DLG2: variants seen among roughly 807,000 people sequenced by gnomAD.
DLG2 encodes the protein discs large MAGUK scaffold protein 2, also known as disks large homolog 2.
In DLG2, 45 loss-of-function variants were observed where a neutral mutation model predicts 132.5. The observed-to-expected ratio is 0.34, with a 90% CI of 0.27 to 0.44. DLG2 has a LOEUF of 0.44. Among genes scored for constraint, DLG2 ranks in the 20% least tolerant of loss-of-function variants. The pLI is 1.00. For missense variants in DLG2, 1,045 were observed against 1,196.9 expected, an observed-to-expected ratio of 0.87 and a Z score of 1.87; for synonymous variants, 424 against 419.6, an observed-to-expected ratio of 1.01 and a Z score of -0.13.
chr11:84,581,648 C>T (rs2099516491), intron 6 of DLG2, among the ~76,000 whole-genome samples: 2 of 152,194 alleles, frequency 1.3e-5, no homozygotes, highest in South Asian at 4.1e-4. Context: ...TAATTTAACA[C>T]CTGTAATTCC....
At chr11:84,935,133 C>A (rs564816965) in intron 6 of DLG2, among the ~76,000 whole-genome samples, 2 of 152,168 alleles carry the variant, frequency 1.3e-5, no homozygotes, top group African/African-American at 2.4e-5. Flanking sequence ...AGTAAATTAT[C>A]AAGTCCTACT....
chr11:83,473,499 A>G (rs1424162266), intron 22 of DLG2, among the ~76,000 whole-genome samples: 1 of 152,108 alleles, frequency 6.6e-6, no homozygotes, highest in East Asian at 1.9e-4. Flanking sequence ...TAGAAAGTAA[A>G]TTGGTTTTTG....
chr11:84,402,471 T>C (rs1027015459), intron 7 of DLG2, among the ~76,000 whole-genome samples: 2 of 152,142 alleles, frequency 1.3e-5, no homozygotes, highest in African/African-American at 4.8e-5. Flanking sequence ...AATTTTGCTC[T>C]TTGTGGTACA....
At chr11:84,870,332 T>C (rs868330553) in intron 6 of DLG2, among the ~76,000 whole-genome samples, 33 of 152,134 alleles carry the variant, frequency 2.2e-4, no homozygotes, top group African/African-American at 5.1e-4. Flanking sequence ...AGAGGTTAAA[T>C]TGAAAAACAC....
chr11:84,861,713 C>G (rs1480056989), intron 6 of DLG2, among the ~76,000 whole-genome samples: 4 of 141,616 alleles, frequency 2.8e-5, no homozygotes, highest in Non-Finnish European at 4.6e-5. Context: ...ATCCATCTGA[C>G]AAAGGGCTAA....
At chr11:85,303,061 C>A (rs911311087) in intron 3 of DLG2, among the ~76,000 whole-genome samples, 1 of 152,184 alleles carries the variant, frequency 6.6e-6, no homozygotes, top group African/African-American at 2.4e-5. Flanking sequence ...CAGAACCCTG[C>A]TCTTAACCAC....
At chr11:84,061,566 C>T (rs2096590975) in intron 10 of DLG2, among the ~76,000 whole-genome samples, 1 of 152,136 alleles carries the variant, frequency 6.6e-6, no homozygotes, top group Non-Finnish European at 1.5e-5. Flanking sequence ...GGACCACATA[C>T]ATCTAATGTG....
chr11:84,226,211 T>C (rs1187035231), intron 8 of DLG2, among the ~76,000 whole-genome samples: 1 of 152,250 alleles, frequency 6.6e-6, no homozygotes, highest in African/African-American at 2.4e-5. Context: ...TTTAAGTCCC[T>C]AACATAAATA....
intron 6 of DLG2, among the ~76,000 whole-genome samples, chr11:85,063,055 T>C (rs1366194656): frequency 1.3e-5 from 2 of 151,852 alleles, no homozygotes; most frequent in Non-Finnish European, 2.9e-5. Context: ...CAAAATCTTA[T>C]ATTAAAGATT....
intron 6 of DLG2, among the ~76,000 whole-genome samples, chr11:84,953,806 G>A (rs1340160633): frequency 6.6e-6 from 1 of 151,926 alleles, no homozygotes; most frequent in Admixed American, 6.6e-5. Flanking sequence ...CAGCCTACAA[G>A]TCTCCCCTTG....
chr11:83,986,526 G>C (rs1407706684), intron 11 of DLG2, among the ~76,000 whole-genome samples: 1 of 150,900 alleles, frequency 6.6e-6, no homozygotes, highest in East Asian at 1.9e-4. Flanking sequence ...ACATACGTGT[G>C]CATGTGTCTT....
chr11:84,849,434 C>T (rs991424226), intron 6 of DLG2, among the ~76,000 whole-genome samples: 9 of 152,100 alleles, frequency 5.9e-5, no homozygotes, highest in African/African-American at 2.2e-4. Context: ...AATACTTGTC[C>T]TTTCCTACAT....
At chr11:85,455,669 A>T (rs2092398731) in intron 3 of DLG2, among the ~76,000 whole-genome samples, 1 of 152,172 alleles carries the variant, frequency 6.6e-6, no homozygotes, top group Admixed American at 6.5e-5. Context: ...TTTGTCACAG[A>T]TGGCTCTTAT....
chr11:84,107,941 C>T (rs1308462086), intron 9 of DLG2, among the ~76,000 whole-genome samples: 1 of 152,112 alleles, frequency 6.6e-6, no homozygotes, highest in African/African-American at 2.4e-5. Context: ...GGGATGCCAT[C>T]AACGTGTTAT....
chr11:85,550,933 A>G (rs980687126), intron 3 of DLG2, among the ~76,000 whole-genome samples: 1 of 152,252 alleles, frequency 6.6e-6, no homozygotes, highest in Non-Finnish European at 1.5e-5. Flanking sequence ...CTAGATCCTA[A>G]GAAAGACTTT....
At chr11:84,803,336 GTCT>G (rs1205949404) in intron 6 of DLG2, among the ~76,000 whole-genome samples, 3 of 152,158 alleles carry the variant, frequency 2.0e-5, no homozygotes, top group African/African-American at 7.2e-5. Context: ...GCTATTCTGT[GTCT>G]TCTTTAATGA....
At chr11:84,215,193 C>T (rs1304414647) in intron 8 of DLG2, among the ~76,000 whole-genome samples, 1 of 152,078 alleles carries the variant, frequency 6.6e-6, no homozygotes, top group Non-Finnish European at 1.5e-5. Flanking sequence ...TTATTTTTTC[C>T]TTTTCAAAAA....
intron 4 of DLG2, among the ~76,000 whole-genome samples, chr11:85,279,838 C>G (rs544009580): frequency 3.3e-5 from 5 of 152,202 alleles, no homozygotes; most frequent in Admixed American, 2.6e-4. Context: ...CAGGGACTAC[C>G]TTAACTCCCT....
rs527811605 is a variant in DLG2 at position 85,536,214 on chromosome 11, CAA to C, written c.40+62441_40+62442del. On this transcript the variant is annotated intron_variant, in intron 3 of 27. Transcript: ENST00000376104. ...CTGGCAACAGAGTGTGACCCTGTCT[CAA>C]AAAAAAAAAAAAAAAAAAAAAAGTT... 8.7e-3 allele frequency among the ~76,000 whole-genome samples: 499 copies of C among 57,484 alleles called. 2 individuals are homozygous for C. Among genetic ancestry groups the C allele is most frequent in the African/African-American group, 0.011 (166 of 15,390 alleles). 37.7% of individuals were successfully genotyped at this position (57,484 alleles called of 152,430 possible). A position where few individuals can be genotyped will look rare whatever the true frequency, so the allele number is the denominator to read the frequency against.
Sources: allele counts gnomAD v4.1 joint callset (sites outside exome capture counted in the v4.1 genomes callset), GRCh38; gene constraint gnomAD v4.1.1; transcripts MANE v1.5; gene names NCBI Gene and HGNC (gene_info 2026-07-23, HGNC 2026-07-21).